Variants in LAMC1 observed in about 807,000 individuals in gnomAD.
LAMC1 encodes the protein laminin subunit gamma-1.
Under a neutral mutation model 173.6 loss-of-function variants are expected in LAMC1, and 38 were observed. That is an observed-to-expected ratio of 0.22 (90% CI 0.17 to 0.29). LAMC1 has a LOEUF of 0.29. LAMC1 is among the 10% of genes least tolerant of loss of function. The probability of loss-of-function intolerance (pLI) is 1.00; values close to 1 mark genes in which losing one functional copy is unlikely to be tolerated. For synonymous variants in LAMC1, 746 were observed against 749.1 expected (o/e 1.00, Z 0.07); for missense variants, 1,824 against 2,051.8 (o/e 0.89, Z 2.14).
Position 183,117,405 on chromosome 1 carries a change from C to T in LAMC1, c.1650C>T (p.Ile550=), listed in dbSNP as rs1205821423. 6.2e-7 allele frequency: 1 copy of T among 1,613,882 alleles called. No individual in the cohort carries two copies. The highest frequency in any genetic ancestry group is 1.7e-5 in the Admixed American group (1 of 60,022). ...WSSERQDIAV[I]SDSYFPRYFI... ...CTGAGAGGCAAGATATCGCCGTGAT[C>T]TCAGACAGCTACTTTCCTCGGTACT... The change falls in exon 9 of 28, where the codon ATC becomes ATT. Residue 550 remains isoleucine (I), a synonymous_variant. Transcript: ENST00000258341.
chr1:183,079,328 C>T (rs1655206991), intron 1 of LAMC1, among the ~76,000 whole-genome samples: 1 of 137,674 alleles, frequency 7.3e-6, no homozygotes. Flanking sequence ...GATCTCAGCT[C>T]ACTGCAACCT....
chr1:183,057,123 C>G (rs79550811), intron 1 of LAMC1, among the ~76,000 whole-genome samples: 7 of 152,290 alleles, frequency 4.6e-5, no homozygotes, highest in Non-Finnish European at 8.8e-5. Flanking sequence ...GATTCTTGAG[C>G]TTTCTAAAGT....
At chr1:183,073,081 G>C (rs547096523) in intron 1 of LAMC1, among the ~76,000 whole-genome samples, 1 of 152,296 alleles carries the variant, frequency 6.6e-6, no homozygotes, top group East Asian at 1.9e-4. Context: ...AAAAGGTTGG[G>C]GACTGCTGGA....
intron 21 of LAMC1, among the ~76,000 whole-genome samples, chr1:183,133,013 C>T (rs958502906): frequency 2.6e-5 from 4 of 152,114 alleles, no homozygotes; most frequent in Non-Finnish European, 5.9e-5. Context: ...CGGGTTCAAG[C>T]GATTCTCCTG....
At chr1:183,117,504 T>G (rs1209075178) in intron 9 of LAMC1, 30 bp from the exon 10 acceptor site, 1 of 1,612,350 alleles carries the variant, frequency 6.2e-7, no homozygotes, top group Non-Finnish European at 8.5e-7. Flanking sequence ...CAGTCTCACA[T>G]TCTTGCCCAC....
At chr1:183,116,129 C>CAAAA (rs10689019) in intron 6 of LAMC1, among the ~76,000 whole-genome samples, 9 of 127,400 alleles carry the variant, frequency 7.1e-5, no homozygotes, top group Admixed American at 4.7e-4. Flanking sequence ...GACTCTGTCT[C>CAAAA]AAAAAAAAAA....
chr1:183,044,389 A>T (rs1654212177), intron 1 of LAMC1, among the ~76,000 whole-genome samples: 1 of 148,754 alleles, frequency 6.7e-6, no homozygotes, highest in South Asian at 2.2e-4. Flanking sequence ...CTTCTTTGGG[A>T]ATCTTTTTTA....
chr1:183,089,761 C>A (rs972854920), intron 1 of LAMC1, among the ~76,000 whole-genome samples: 1 of 152,132 alleles, frequency 6.6e-6, no homozygotes, highest in Non-Finnish European at 1.5e-5. Flanking sequence ...TAAATTGAGG[C>A]TGTTCTAGGA....
At chr1:183,061,856 T>C (rs988857454) in intron 1 of LAMC1, among the ~76,000 whole-genome samples, 2 of 152,252 alleles carry the variant, frequency 1.3e-5, no homozygotes, top group Non-Finnish European at 2.9e-5. Context: ...TGAATGCTCA[T>C]AATACCTGAT....
intron 24 of LAMC1, 104 bp from the exon 25 acceptor site, chr1:183,136,282 T>C: frequency 1.0e-6 from 1 of 952,868 alleles, no homozygotes; most frequent in South Asian, 1.5e-5. Flanking sequence ...TTTTTTACCC[T>C]GACTTCCATT....
chr1:183,057,228 G>A (rs1654620184), intron 1 of LAMC1, among the ~76,000 whole-genome samples: 1 of 152,186 alleles, frequency 6.6e-6, no homozygotes, highest in Non-Finnish European at 1.5e-5. Context: ...CCAAGAAAAG[G>A]TATTTAGTAG....
rs182444302 is a variant in LAMC1, at chr1:183,099,152, G to A, written c.419-4176G>A. ...TGCCTAGGCTGGAGTGCAATGTCGCGATCTCGGCTCACTGCAACCTCCGCC... is the reference window on the plus strand; with the variant it reads ...TGCCTAGGCTGGAGTGCAATGTCGCAATCTCGGCTCACTGCAACCTCCGCC... On this transcript the variant is annotated intron_variant, in intron 1 of 27. Transcript: ENST00000258341. 7.3e-4 allele frequency among the ~76,000 whole-genome samples: 111 copies of A among 151,932 alleles called. 1 individual carries two copies. The highest frequency in any genetic ancestry group is 2.6e-3 in the African/African-American group (106 of 41,430).
At position 183,124,776 on chromosome 1, in the gene LAMC1, C is replaced by T. The variant is rs35635292; in HGVS notation, c.2547C>T (p.Cys849=). The T allele has an allele frequency of 2.5e-3, 4,061 of 1,614,126 alleles. 59 individuals carry two copies. In the South Asian group the frequency reaches 0.025, roughly 10 times the overall value. ...ATTGCAATCGCTTGACGGGAGAATGCCTGAAGTGCATCTATAACACTGCTG... is the reference window on the plus strand; with the variant it reads ...ATTGCAATCGCTTGACGGGAGAATGTCTGAAGTGCATCTATAACACTGCTG... ...VGNCNRLTGE[C]LKCIYNTAGF... is the part of the protein sequence containing the mutation. Residue 849 remains cysteine, a synonymous_variant, in exon 14 of 28, where the codon TGC becomes TGT. Coordinates refer to ENST00000258341, the MANE Select transcript of LAMC1 (RefSeq NM_002293.4).
chr1:183,038,233 A>G (rs1458867048), intron 1 of LAMC1, among the ~76,000 whole-genome samples: 1 of 151,952 alleles, frequency 6.6e-6, no homozygotes, highest in Non-Finnish European at 1.5e-5. Flanking sequence ...ATGGGGTTCT[A>G]CCATGTTGGC....
chr1:183,052,850 C>T (rs1405767107), intron 1 of LAMC1, among the ~76,000 whole-genome samples: 2 of 151,990 alleles, frequency 1.3e-5, no homozygotes, highest in African/African-American at 2.4e-5. Context: ...TAAATAAAAC[C>T]CTTTATTTCC....
chr1:183,037,241 T>C (rs182730621), intron 1 of LAMC1, among the ~76,000 whole-genome samples: 6 of 152,350 alleles, frequency 3.9e-5, no homozygotes, highest in Admixed American at 3.9e-4. Context: ...CCCTACCTCA[T>C]TTCCTGAGGG....
intron 20 of LAMC1, 97 bp downstream of exon 20, chr1:183,131,475 T>G (rs1656790803): frequency 1.5e-6 from 1 of 650,960 alleles, no homozygotes; most frequent in South Asian, 2.4e-5. Flanking sequence ...TCTTATCCCA[T>G]AACCCATAAA....
At chr1:183,049,169 A>G (rs767964709) in intron 1 of LAMC1, among the ~76,000 whole-genome samples, 7 of 152,158 alleles carry the variant, frequency 4.6e-5, no homozygotes, top group Non-Finnish European at 1.0e-4. Context: ...GTTGTATACA[A>G]CTGCTCTTTA....
chr1:183,082,024 C>T (rs1000375266), intron 1 of LAMC1, among the ~76,000 whole-genome samples: 2 of 152,176 alleles, frequency 1.3e-5, no homozygotes, highest in East Asian at 1.9e-4. Context: ...CTTTCATCTA[C>T]TTATATGCAT....
Sources: gnomAD v4.1 joint callset for allele counts (sites outside exome capture counted in the v4.1 genomes callset) on GRCh38, gnomAD v4.1.1 for gene constraint, MANE v1.5 for transcripts, NCBI Gene and HGNC (gene_info 2026-07-23, HGNC 2026-07-21) for gene names.